Variants in UXS1 observed in about 807,000 individuals in gnomAD.
UXS1 encodes the protein UDP-glucuronic acid decarboxylase 1.
A neutral mutation model predicts 62.6 loss-of-function variants in UXS1; 33 were observed. That is an observed-to-expected ratio of 0.53 (90% CI 0.40 to 0.70). The LOEUF is 0.70. Ranked by LOEUF, UXS1 falls within the 30% of genes least tolerant of loss-of-function variation. The pLI is 0.00. For missense variants in UXS1, 434 were observed against 556.3 expected (o/e 0.78, Z 2.21); for synonymous variants, 213 against 206.8 (o/e 1.03, Z -0.26).
At chr2:106,160,136 G>C (rs895272657) in intron 4 of UXS1, 3 of 152,214 alleles carry the variant, frequency 2.0e-5, no homozygotes, top group Admixed American at 2.0e-4. Context: ...CAGATGTCTT[G>C]TTTGCCAAGT....
chr2:106,169,048 C>T (rs969414507), intron 1 of UXS1, among the ~76,000 whole-genome samples: 2 of 152,152 alleles, frequency 1.3e-5, no homozygotes, highest in African/African-American at 4.8e-5. Flanking sequence ...ACTCTATGTC[C>T]TTGTTGTCCT....
intron 6 of UXS1, 62 bp downstream of exon 6, chr2:106,145,128 C>G: frequency 6.4e-7 from 1 of 1,551,556 alleles, no homozygotes; most frequent in Non-Finnish European, 8.7e-7. Context: ...TCAGGAATCC[C>G]GCAGCTCTGG....
At position 106,099,760 on chromosome 2, in the gene UXS1, T is replaced by C. The variant is rs529696696; in HGVS notation, c.985-987A>G. Among the ~76,000 whole-genome samples, 10 of 152,262 alleles carry C rather than the reference T, an allele frequency of 6.6e-5. 1 individual carries two copies. The South Asian group carries it at 1.9e-3, about 28-fold the overall frequency. On this transcript the variant is annotated intron_variant, in intron 12 of 14. Transcript: ENST00000283148. ...GCAGGGGCGCCTCGGGCCTCTCCAG[T>C]GTACACAGGCAAATGCTGCAAGCAA...
At position 106,172,353 on chromosome 2, in the gene UXS1, C is replaced by T. The variant is rs143764519; in HGVS notation, c.95-6270G>A. ...CTTTATTGAGACCTAGGCCTCTAGA[C>T]GGAACCATGCACAGAGAAAGAAAAG... On this transcript the variant is annotated intron_variant, in intron 1 of 14. Coordinates refer to ENST00000283148, the MANE Select transcript of UXS1 (RefSeq NM_001253875.2). Among the ~76,000 whole-genome samples, 35 of 152,306 alleles carry T rather than the reference C, an allele frequency of 2.3e-4. No individual in the cohort carries two copies. The East Asian group carries it at 6.6e-3, about 29-fold the overall frequency.
chr2:106,178,886 C>T (rs549566372), intron 1 of UXS1, among the ~76,000 whole-genome samples: 101 of 152,316 alleles, frequency 6.6e-4, no homozygotes, highest in African/African-American at 2.1e-3. Context: ...CTATCACATT[C>T]GTACTTCCTG....
intron 8 of UXS1, among the ~76,000 whole-genome samples, chr2:106,123,777 T>C (rs1679714753): frequency 6.6e-6 from 1 of 152,248 alleles, no homozygotes; most frequent in African/African-American, 2.4e-5. Flanking sequence ...AATATGAATA[T>C]ACACCTAATT....
At chr2:106,114,205 G>A (rs1479805503) in intron 9 of UXS1, among the ~76,000 whole-genome samples, 1 of 152,120 alleles carries the variant, frequency 6.6e-6, no homozygotes, top group African/African-American at 2.4e-5. Context: ...AGTGTGCTGT[G>A]ATATGAAAAA....
chr2:106,096,690 C>T, intron 14 of UXS1, 28 bp downstream of exon 14: 1 of 1,531,414 alleles, frequency 6.5e-7, no homozygotes, highest in South Asian at 1.3e-5. Context: ...CCCCTCCCCA[C>T]AAGGCAGCAT....
chr2:106,181,910 G>A (rs1034080121), intron 1 of UXS1, among the ~76,000 whole-genome samples: 2 of 152,136 alleles, frequency 1.3e-5, no homozygotes, highest in Non-Finnish European at 2.9e-5. Flanking sequence ...AAGTTAAGAA[G>A]AAGATGGGAA....
chr2:106,117,040 G>A (rs189932352), intron 9 of UXS1, among the ~76,000 whole-genome samples: 3 of 152,112 alleles, frequency 2.0e-5, no homozygotes, highest in Admixed American at 6.5e-5. Flanking sequence ...CTGTCTGCAC[G>A]CAGCTGGCAT....
chr2:106,122,351 G>A (rs1475701850), intron 9 of UXS1, among the ~76,000 whole-genome samples: 1 of 152,148 alleles, frequency 6.6e-6, no homozygotes, highest in Non-Finnish European at 1.5e-5. Flanking sequence ...AGATGGGCAG[G>A]GCAGGCTTCA....
chr2:106,170,594 C>T (rs1383789240), intron 1 of UXS1, among the ~76,000 whole-genome samples: 2 of 152,174 alleles, frequency 1.3e-5, no homozygotes, highest in African/African-American at 2.4e-5. Flanking sequence ...TTGTGGCCTC[C>T]TTTCAAATTA....
chr2:106,182,993 G>C (rs1034685239), intron 1 of UXS1, among the ~76,000 whole-genome samples: 5 of 152,040 alleles, frequency 3.3e-5, no homozygotes, highest in African/African-American at 1.2e-4. Context: ...AAATTCCACA[G>C]AACAGCAAAA....
At chr2:106,101,282 GT>G in intron 11 of UXS1, 164 bp from the exon 12 acceptor site, 1 of 677,948 alleles carries the variant, frequency 1.5e-6, no homozygotes, top group Non-Finnish European at 2.5e-6. Flanking sequence ...CTAAGATGGT[GT>G]TTACAATGCG....
At chr2:106,113,870 G>A (rs555782164) in intron 9 of UXS1, among the ~76,000 whole-genome samples, 29 of 152,290 alleles carry the variant, frequency 1.9e-4, no homozygotes, top group East Asian at 5.8e-4. Flanking sequence ...TCACCTGACC[G>A]CCTCAGTGTT....
chr2:106,142,923 A>G (rs1028673145), intron 6 of UXS1, among the ~76,000 whole-genome samples: 29 of 148,960 alleles, frequency 1.9e-4, no homozygotes, highest in African/African-American at 5.2e-4. Context: ...GTTTGCATGT[A>G]TGTGTGTGTG....
chr2:106,151,834 G>A (rs1010597602), intron 5 of UXS1, among the ~76,000 whole-genome samples: 9 of 152,196 alleles, frequency 5.9e-5, no homozygotes, highest in East Asian at 3.8e-4. Context: ...TGCTCACAGC[G>A]AGAGTTATGT....
chr2:106,111,296 C>T (rs999321629), intron 10 of UXS1, among the ~76,000 whole-genome samples: 8 of 152,160 alleles, frequency 5.3e-5, no homozygotes, highest in African/African-American at 1.9e-4. Context: ...GTCACAGAGC[C>T]TCCATTTAGG....
chr2:106,186,625 G>GAAA (rs1217823655), intron 1 of UXS1, among the ~76,000 whole-genome samples: 83 of 152,164 alleles, frequency 5.5e-4, no homozygotes, highest in African/African-American at 2.0e-3. Context: ...TGTAAATCTT[G>GAAA]ACTGGGTCCT....
Sources: allele counts gnomAD v4.1 joint callset (sites outside exome capture counted in the v4.1 genomes callset), GRCh38; gene constraint gnomAD v4.1.1; transcripts MANE v1.5; gene names NCBI Gene and HGNC (gene_info 2026-07-23, HGNC 2026-07-21).